CNBD1: variants seen among roughly 807,000 people sequenced by gnomAD.
CNBD1 encodes cyclic nucleotide binding domain containing 1.
A neutral mutation model predicts 54.4 loss-of-function variants in CNBD1; 71 were observed. The ratio of observed to expected loss-of-function variants is 1.30; its 90% confidence interval spans 1.08 to 1.59. The LOEUF (loss-of-function observed/expected upper bound fraction) is 1.59. CNBD1 is among the 40% of genes most tolerant of loss of function. CNBD1 has a pLI of 0.00. For missense variants in CNBD1, 659 were observed against 518.0 expected, an observed-to-expected ratio of 1.27 and a Z score of -2.64; for synonymous variants, 182 against 170.7, an observed-to-expected ratio of 1.07 and a Z score of -0.51.
intron 8 of CNBD1, among the ~76,000 whole-genome samples, chr8:87,300,797 T>A (rs1485478000): frequency 6.6e-6 from 1 of 152,108 alleles, no homozygotes. Context: ...AGATCTGAAT[T>A]TTTTTGTGTA....
rs78094370 is a variant in CNBD1 at position 87,267,279 on chromosome 8, A to C, written c.772-17399A>C. 2.8e-3 allele frequency among the ~76,000 whole-genome samples: 434 copies of C among 152,344 alleles called. 19 individuals are homozygous for C. The East Asian group carries it at 0.073, about 26-fold the overall frequency. On this transcript the variant is annotated intron_variant, in intron 6 of 10. Transcript: ENST00000518476. ...TTTAGCAATCAAGGAAATGTACCAT[A>C]AATAATTTGTACATTTAAAAATAAA...
chr8:87,002,879 C>T (rs1442806368), intron 4 of CNBD1, among the ~76,000 whole-genome samples: 2 of 152,114 alleles, frequency 1.3e-5, no homozygotes, highest in East Asian at 3.9e-4. Flanking sequence ...TGTGGTATTC[C>T]AGGTGACTAG....
intron 3 of CNBD1, among the ~76,000 whole-genome samples, chr8:86,931,670 C>T (rs771518738): frequency 1.9e-4 from 29 of 152,128 alleles, no homozygotes; most frequent in Non-Finnish European, 4.0e-4. Flanking sequence ...TTATAGAACA[C>T]CAAGGTTGCC....
chr8:86,999,870 C>T (rs1057270226), intron 4 of CNBD1, among the ~76,000 whole-genome samples: 1 of 152,204 alleles, frequency 6.6e-6, no homozygotes, highest in East Asian at 1.9e-4. Flanking sequence ...TGGACATTGG[C>T]CCATGGGGCA....
intron 4 of CNBD1, among the ~76,000 whole-genome samples, chr8:87,077,997 C>T (rs1810911103): frequency 6.6e-6 from 1 of 152,126 alleles, no homozygotes; most frequent in Non-Finnish European, 1.5e-5. Flanking sequence ...ATAGGGGCTT[C>T]AACTTCATGA....
At chr8:87,246,229 CT>C (rs1159606041) in intron 6 of CNBD1, among the ~76,000 whole-genome samples, 1 of 152,056 alleles carries the variant, frequency 6.6e-6, no homozygotes, top group Non-Finnish European at 1.5e-5. Flanking sequence ...TCCATTACTT[CT>C]GGAAAAAGCT....
At chr8:86,998,501 T>G (rs929279722) in intron 4 of CNBD1, among the ~76,000 whole-genome samples, 4 of 152,168 alleles carry the variant, frequency 2.6e-5, no homozygotes, top group Middle Eastern at 3.2e-3. Context: ...CAATGTTGTT[T>G]TTTTCAGCTT....
intron 8 of CNBD1, 40 bp from the exon 9 acceptor site, chr8:87,351,645 G>C: frequency 1.4e-6 from 2 of 1,429,410 alleles, no homozygotes; most frequent in Non-Finnish European, 1.8e-6. Flanking sequence ...ATTTATTAAA[G>C]ACAAGAATGT....
At chr8:87,035,917 A>T (rs1417452309) in intron 4 of CNBD1, among the ~76,000 whole-genome samples, 1 of 152,164 alleles carries the variant, frequency 6.6e-6, no homozygotes, top group Non-Finnish European at 1.5e-5. Flanking sequence ...AGAAAGAAGA[A>T]TGAGATGAAG....
At chr8:86,957,257 G>C (rs547013189) in intron 4 of CNBD1, among the ~76,000 whole-genome samples, 1 of 152,088 alleles carries the variant, frequency 6.6e-6, no homozygotes, top group African/African-American at 2.4e-5. Flanking sequence ...TTTTTGCATC[G>C]ATGTTCATCA....
chr8:87,356,819 G>A (rs779473979), intron 10 of CNBD1, among the ~76,000 whole-genome samples: 1 of 152,130 alleles, frequency 6.6e-6, no homozygotes, highest in Non-Finnish European at 1.5e-5. Flanking sequence ...ATGGGAGAAG[G>A]TCCTCAAAGG....
intron 4 of CNBD1, among the ~76,000 whole-genome samples, chr8:87,136,510 AT>A (rs1480578480): frequency 1.6e-5 from 2 of 126,220 alleles, no homozygotes; most frequent in Non-Finnish European, 3.2e-5. Context: ...TTACTTCCTT[AT>A]TTTTATATTA....
At chr8:86,888,979 C>G (rs1035997519) in intron 2 of CNBD1, among the ~76,000 whole-genome samples, 3 of 152,038 alleles carry the variant, frequency 2.0e-5, no homozygotes, top group Non-Finnish European at 4.4e-5. Flanking sequence ...TGAATCATTC[C>G]TCTTGGGTGG....
At chr8:87,337,658 C>T (rs1465342299) in intron 8 of CNBD1, among the ~76,000 whole-genome samples, 7 of 152,200 alleles carry the variant, frequency 4.6e-5, no homozygotes, top group Non-Finnish European at 1.0e-4. Context: ...GGAAAAACCA[C>T]AGTTTTCCAG....
chr8:87,146,426 G>A (rs569912718), intron 4 of CNBD1, among the ~76,000 whole-genome samples: 32 of 152,066 alleles, frequency 2.1e-4, no homozygotes, highest in Non-Finnish European at 4.7e-4. Context: ...TTTCTAAGTC[G>A]TTTCTCCAAA....
intron 2 of CNBD1, among the ~76,000 whole-genome samples, chr8:87,393,175 G>A (rs538361124): frequency 6.6e-6 from 1 of 151,942 alleles, no homozygotes; most frequent in Non-Finnish European, 1.5e-5. Context: ...GCAGAGACTA[G>A]AATATTACCA....
chr8:86,874,640 T>C (rs1393610145), intron 1 of CNBD1, among the ~76,000 whole-genome samples: 2 of 152,114 alleles, frequency 1.3e-5, no homozygotes, highest in East Asian at 3.9e-4. Flanking sequence ...AAAAATTAAA[T>C]ATAGGAACTC....
intron 3 of CNBD1, among the ~76,000 whole-genome samples, chr8:86,914,487 C>T (rs144918837): frequency 1.8e-4 from 27 of 152,288 alleles, no homozygotes; most frequent in South Asian, 4.1e-4. Flanking sequence ...TGTGTAAGCA[C>T]GCTCTATGAT....
At chr8:87,276,979 A>T (rs1160524106) in intron 6 of CNBD1, among the ~76,000 whole-genome samples, 31 of 79,802 alleles carry the variant, frequency 3.9e-4, no homozygotes, top group African/African-American at 1.6e-3. Context: ...TTGAATAATT[A>T]TTTTTTTTTT....
Sources: allele counts gnomAD v4.1 joint callset (sites outside exome capture counted in the v4.1 genomes callset), GRCh38; gene constraint gnomAD v4.1.1; transcripts MANE v1.5; gene names NCBI Gene and HGNC (gene_info 2026-07-23, HGNC 2026-07-21).